PC: variants seen among roughly 807,000 people sequenced by gnomAD.
PC encodes the protein pyruvate carboxylase, also known as pyruvate carboxylase, mitochondrial.
PC carries 46 observed loss-of-function variants against 107.8 expected under a neutral mutation model. That is an observed-to-expected ratio of 0.43 (90% CI 0.34 to 0.55). The LOEUF is 0.55. Ranked by LOEUF, PC falls within the 20% of genes least tolerant of loss-of-function variation. The pLI is 0.04. For synonymous variants in PC, 662 were observed against 684.7 expected, an observed-to-expected ratio of 0.97 and a Z score of 0.52; for missense variants, 1,241 against 1,643.1, an observed-to-expected ratio of 0.76 and a Z score of 4.23.
At chr11:66,903,097 T>A (rs2136048715) in intron 3 of PC, among the ~76,000 whole-genome samples, 1 of 152,232 alleles carries the variant, frequency 6.6e-6, no homozygotes, top group Non-Finnish European at 1.5e-5. Context: ...GGTGAGAAAT[T>A]AGCTTGCTGA....
At chr11:66,900,851 T>C (rs1947929907) in intron 3 of PC, among the ~76,000 whole-genome samples, 1 of 152,240 alleles carries the variant, frequency 6.6e-6, no homozygotes, top group African/African-American at 2.4e-5. Context: ...CCTGCAACCT[T>C]GCTGAACTCA....
At chr11:66,917,518 T>C (rs1392340555) in intron 3 of PC, among the ~76,000 whole-genome samples, 1 of 152,160 alleles carries the variant, frequency 6.6e-6, no homozygotes. Flanking sequence ...AGAGGTCAAG[T>C]CTGAAATTCT....
At chr11:66,949,524 G>A (rs939543760) in intron 3 of PC, among the ~76,000 whole-genome samples, 2 of 151,682 alleles carry the variant, frequency 1.3e-5, no homozygotes, top group African/African-American at 2.4e-5. Flanking sequence ...AAGAAACCCC[G>A]CCTCTACTAA....
intron 3 of PC, among the ~76,000 whole-genome samples, chr11:66,931,740 G>A (rs11227632): frequency 0.29 from 44,157 of 151,626 alleles, 6,691 homozygotes; most frequent in Middle Eastern, 0.35. Flanking sequence ...TTCTGTAGCC[G>A]GGCGCAGTGG....
In PC at chr11:66,849,125, G is replaced by A. The variant is rs1192464697; in HGVS notation, c.3311C>T (p.Ala1104Val). The A allele has an allele frequency of 2.5e-6, 4 of 1,613,914 alleles. No homozygotes were observed. The highest frequency in any genetic ancestry group is 1.3e-5 in the African/African-American group (1 of 74,940). ...GATCTGGCCCTTCACGTCCTTTAGG[G>A]CCTTGGGGTGGAAGTGCATCTCCTG... ...AMKEMHFHPK[A>V]LKDVKGQIGA... is the part of the protein sequence containing the mutation. Residue 1104 changes from alanine to valine, a missense_variant, in exon 23 of 23, where the codon GCC becomes GTC. This residue lies in a region of PC where 1,143 missense variants were observed against 1,551.9 expected (regional missense o/e 0.74). Coordinates refer to ENST00000393960, the MANE Select transcript of PC (RefSeq NM_001040716.2).
At chr11:66,939,671 G>C (rs1040934221) in intron 3 of PC, among the ~76,000 whole-genome samples, 1 of 151,952 alleles carries the variant, frequency 6.6e-6, no homozygotes, top group Non-Finnish European at 1.5e-5. Flanking sequence ...AGGTGTGGTG[G>C]CGCATGCCTG....
At chr11:66,958,160 G>T (rs1485292708) in intron 1 of PC, among the ~76,000 whole-genome samples, 162 bp downstream of exon 1, 1 of 151,860 alleles carries the variant, frequency 6.6e-6, no homozygotes, top group East Asian at 1.9e-4. Flanking sequence ...CGCGCACCGC[G>T]CACAGCCCGT....
chr11:66,885,487 T>TAAA (rs35717036), intron 3 of PC, among the ~76,000 whole-genome samples: 3 of 104,234 alleles, frequency 2.9e-5, no homozygotes, highest in East Asian at 2.7e-4. Context: ...AGACTCTGTC[T>TAAA]AAAAAAAAAA....
chr11:66,862,686 G>A (rs1464793425), intron 12 of PC, among the ~76,000 whole-genome samples: 2 of 152,238 alleles, frequency 1.3e-5, no homozygotes, highest in Non-Finnish European at 1.5e-5. Context: ...AGGCCGAGGC[G>A]GCATTTCCTG....
rs942983105 is a variant in PC at position 66,894,560 on chromosome 11, G to A, written c.1-22401C>T. Reference sequence around the variant, plus strand: ...GACTGCAGAAGCTGGAGCGCAGCTCGCGTCAGCTGACCTCACAGCCTGGGT... The same window carrying A: ...GACTGCAGAAGCTGGAGCGCAGCTCACGTCAGCTGACCTCACAGCCTGGGT... On this transcript the variant is annotated intron_variant, in intron 3 of 22. Transcript: ENST00000393960. 5.9e-5 allele frequency among the ~76,000 whole-genome samples: 9 copies of A among 152,356 alleles called. No individual in the cohort carries two copies. In the South Asian group the frequency reaches 6.2e-4, roughly 11 times the overall value.
chr11:66,885,158 C>A (rs768294545), intron 3 of PC, among the ~76,000 whole-genome samples: 3 of 152,226 alleles, frequency 2.0e-5, no homozygotes, highest in Non-Finnish European at 4.4e-5. Context: ...AAAAAAGATA[C>A]ACTGAAGTCC....
At chr11:66,956,545 G>A (rs1949565990) in intron 1 of PC, among the ~76,000 whole-genome samples, 1 of 152,046 alleles carries the variant, frequency 6.6e-6, no homozygotes, top group Non-Finnish European at 1.5e-5. Context: ...AGATCACACC[G>A]CTGCACTCCA....
chr11:66,869,797 C>T (rs749243361), intron 9 of PC, among the ~76,000 whole-genome samples: 23 of 152,310 alleles, frequency 1.5e-4, no homozygotes, highest in Non-Finnish European at 2.8e-4. Flanking sequence ...AGCTTGCCAC[C>T]TCAGCCTCCT....
chr11:66,849,450 C>T (rs1487441870), intron 21 of PC, 80 bp from the exon 22 acceptor site: 1 of 1,605,370 alleles, frequency 6.2e-7, no homozygotes, highest in Non-Finnish European at 8.5e-7. Flanking sequence ...AGGAAGTCCC[C>T]ACACTGGGCC....
chr11:66,914,319 C>T lies in PC; in HGVS notation c.-1+38111G>A, dbSNP rs368467346. Among the ~76,000 whole-genome samples, 5 of 152,218 alleles carry T rather than the reference C, an allele frequency of 3.3e-5. No homozygotes were observed. In the South Asian group the frequency reaches 8.3e-4, roughly 25 times the overall value. ...CTGAGGTCAGGAGTTCGAGACCAGC[C>T]TGGCCAATATGGTGAAACCCCGTCT... On this transcript the variant is annotated intron_variant, in intron 3 of 22. Transcript: ENST00000393960.
At chr11:66,876,421 T>C (rs906045343) in intron 3 of PC, among the ~76,000 whole-genome samples, 11 of 152,246 alleles carry the variant, frequency 7.2e-5, no homozygotes, top group Non-Finnish European at 7.3e-5. Context: ...CTTGCAACTT[T>C]ACTGAAAGTC....
In PC at chr11:66,851,838, C is replaced by T. The variant is rs1209596362; in HGVS notation, c.1934G>A (p.Gly645Glu). The T allele has an allele frequency of 6.2e-7, 1 of 1,614,018 alleles. No homozygotes were observed. Among genetic ancestry groups the T allele is most frequent in the Non-Finnish European group, 8.5e-7 (1 of 1,180,022 alleles). The change falls in exon 16 of 23, where the codon GGG becomes GAG. Residue 645 changes from glycine (G) to glutamate (E), a missense_variant. Physicochemically the swap from Gly to Glu is moderately conservative, Grantham distance 98 (BLOSUM62 -2). Around this residue, in one of 2 missense-constraint regions of PC, gnomAD observed 1,143 missense variants for 1,551.9 expected, o/e 0.74. Transcript: ENST00000393960. ...GTTGGTGTAGCCCACAGCATTGGCC[C>T]CCCGCAGCAGCATCTGGAAAGGGAT... is the stretch of plus-strand genomic sequence containing the variant. ...PNIPFQMLLR[G>E]ANAVGYTNYP...
chr11:66,923,642 T>A (rs569484118), intron 3 of PC, among the ~76,000 whole-genome samples: 81 of 151,898 alleles, frequency 5.3e-4, no homozygotes, highest in African/African-American at 1.9e-3. Context: ...GTCACCCAAG[T>A]AGCTGGGATT....
Position 66,849,240 on chromosome 11 carries a change from T to C in PC, c.3278A>G (p.Gln1093Arg). The stretch of plus-strand genomic sequence containing the variant: ...TGGGGGAGACAATACCTTCATGGCC[T>C]GGGTGTCCTTGACCAAGATGGACCG... ...QLRSILVKDT[Q>R]AMKEMHFHPK... Residue 1093 changes from glutamine to arginine, a missense_variant, in exon 22 of 23, where the codon CAG becomes CGG. Gln to Arg is a conservative substitution (Grantham distance 43). Around this residue, in one of 2 missense-constraint regions of PC, gnomAD observed 1,143 missense variants for 1,551.9 expected, o/e 0.74. Coordinates refer to ENST00000393960, the MANE Select transcript of PC (RefSeq NM_001040716.2). 6.2e-7 allele frequency: 1 copy of C among 1,613,728 alleles called. No individual in the cohort carries two copies. Among genetic ancestry groups the C allele is most frequent in the Non-Finnish European group, 8.5e-7 (1 of 1,180,032 alleles).
Sources: allele counts gnomAD v4.1 joint callset (sites outside exome capture counted in the v4.1 genomes callset), GRCh38; gene constraint gnomAD v4.1.1; regional missense constraint gnomAD v4.1.1; transcripts MANE v1.5; gene names NCBI Gene and HGNC (gene_info 2026-07-23, HGNC 2026-07-21).